Variants in WBP2NL observed in about 807,000 individuals in gnomAD.
WBP2NL encodes the protein WBP2 N-terminal like.
Under a neutral mutation model 23.3 loss-of-function variants are expected in WBP2NL, and 27 were observed. That is an observed-to-expected ratio of 1.16 (90% confidence interval 0.85 to 1.60). The LOEUF (loss-of-function observed/expected upper bound fraction) is 1.60. WBP2NL is among the 40% of genes most tolerant of loss of function. The probability of loss-of-function intolerance (pLI) is 0.00; values close to 1 mark genes in which losing one functional copy is unlikely to be tolerated. For synonymous variants in WBP2NL, 151 were observed against 145.9 expected (o/e 1.03, Z -0.25); for missense variants, 370 against 389.5 (o/e 0.95, Z 0.42).
intron 4 of WBP2NL, among the ~76,000 whole-genome samples, 169 bp from the exon 5 acceptor site, chr22:42,022,080 G>T (rs1473754273): frequency 6.6e-6 from 1 of 152,130 alleles, no homozygotes; most frequent in Non-Finnish European, 1.5e-5. Context: ...GATTACAGGT[G>T]TGAGCCACTT....
chr22:42,043,155 A>C (rs1298307331), intron 8 of WBP2NL, among the ~76,000 whole-genome samples: 1 of 151,846 alleles, frequency 6.6e-6, no homozygotes, highest in Non-Finnish European at 1.5e-5. Context: ...CATTGGTTCT[A>C]GTGGTCCTCC....
At chr22:42,025,513 G>A (rs1268574872) in intron 5 of WBP2NL, among the ~76,000 whole-genome samples, 3 of 152,212 alleles carry the variant, frequency 2.0e-5, no homozygotes, top group Non-Finnish European at 2.9e-5. Context: ...TGAAGTGAGG[G>A]AAGAACCTCA....
intron 8 of WBP2NL, among the ~76,000 whole-genome samples, chr22:42,057,025 A>G (rs1352350816): frequency 1.3e-5 from 2 of 152,178 alleles, no homozygotes; most frequent in East Asian, 3.8e-4. Context: ...ATGTCTAGGT[A>G]TGGAGCTCTT....
chr22:42,042,389 C>A (rs965533144), intron 8 of WBP2NL, among the ~76,000 whole-genome samples: 1 of 152,110 alleles, frequency 6.6e-6, no homozygotes, highest in African/African-American at 2.4e-5. Context: ...TAGATAATTT[C>A]AAATAACCTG....
downstream of WBP2NL, among the ~76,000 whole-genome samples, chr22:42,028,804 A>G (rs564322741): frequency 1.3e-5 from 2 of 152,372 alleles, no homozygotes; most frequent in East Asian, 1.9e-4. Context: ...GATTATAAAC[A>G]TGCTTCACCT....
chr22:42,037,572 T>C (rs1216170476), downstream of WBP2NL, among the ~76,000 whole-genome samples: 2 of 152,176 alleles, frequency 1.3e-5, no homozygotes, highest in African/African-American at 4.8e-5. Flanking sequence ...ATTCTTCCAA[T>C]CTGTGAACAT....
chr22:42,015,185 G>A (rs1386836788), intron 1 of WBP2NL, among the ~76,000 whole-genome samples: 2 of 152,136 alleles, frequency 1.3e-5, no homozygotes, highest in Non-Finnish European at 2.9e-5. Flanking sequence ...ATTTTGTAAA[G>A]TCTGTATTCT....
chr22:42,038,432 T>C (rs1925272199), intron 8 of WBP2NL, among the ~76,000 whole-genome samples: 1 of 152,220 alleles, frequency 6.6e-6, no homozygotes, highest in East Asian at 1.9e-4. Context: ...TGCCTGGTAA[T>C]TTTCTTATGT....
chr22:42,052,467 A>G (rs1925871171), intron 8 of WBP2NL, among the ~76,000 whole-genome samples: 1 of 151,958 alleles, frequency 6.6e-6, no homozygotes, highest in Admixed American at 6.6e-5. Flanking sequence ...TTTAGTAGAG[A>G]CAGGGTTTCA....
chr22:42,002,984 T>TTG (rs1247426972), intron 1 of WBP2NL: 1 of 151,330 alleles, frequency 6.6e-6, no homozygotes, highest in African/African-American at 2.4e-5. Context: ...AGAATAAAAT[T>TTG]TAAGAAAAGA....
intron 1 of WBP2NL, among the ~76,000 whole-genome samples, chr22:42,008,859 A>G (rs1922544759): frequency 6.6e-6 from 1 of 152,060 alleles, no homozygotes; most frequent in Non-Finnish European, 1.5e-5. Flanking sequence ...GCTGACTGCA[A>G]GCTCCGCCTC....
chr22:42,046,923 C>A (rs1283441377), intron 8 of WBP2NL, among the ~76,000 whole-genome samples: 1 of 152,148 alleles, frequency 6.6e-6, no homozygotes, highest in Admixed American at 6.5e-5. Flanking sequence ...ACAACATATA[C>A]ACTCCTAAAT....
At chr22:42,024,426 C>T (rs961066228) in intron 5 of WBP2NL, among the ~76,000 whole-genome samples, 1 of 152,080 alleles carries the variant, frequency 6.6e-6, no homozygotes, top group Admixed American at 6.5e-5. Flanking sequence ...TTTTCCAGTG[C>T]TGCACTATTT....
At chr22:42,008,085 C>CTT (rs1922421803) in intron 1 of WBP2NL, among the ~76,000 whole-genome samples, 2 of 100,642 alleles carry the variant, frequency 2.0e-5, no homozygotes, top group East Asian at 4.3e-4. Flanking sequence ...CTTCTCTTCT[C>CTT]CTCTTCCTTT....
At chr22:42,003,255 T>C (rs1202205331) in intron 1 of WBP2NL, 2 of 152,486 alleles carry the variant, frequency 1.3e-5, no homozygotes, top group African/African-American at 2.4e-5. Context: ...GTTACTCTTA[T>C]ACTGTAAAAC....
At chr22:42,033,760 C>T (rs772154812), downstream of WBP2NL, among the ~76,000 whole-genome samples, 2 of 152,198 alleles carry the variant, frequency 1.3e-5, no homozygotes, top group African/African-American at 2.4e-5. Flanking sequence ...TGGGTAGCTC[C>T]TCTCTGCAGC....
intron 1 of WBP2NL, among the ~76,000 whole-genome samples, chr22:42,017,945 TC>T (rs1569449039): frequency 6.6e-6 from 1 of 151,938 alleles, no homozygotes; most frequent in Non-Finnish European, 1.5e-5. Flanking sequence ...GGTCAGGAGT[TC>T]CAGACCAGCC....
Position 42,027,507 on chromosome 22 carries a change from T to C in WBP2NL, c.*326T>C. On this transcript the variant is annotated 3_prime_UTR_variant, in exon 6 of 6. Transcript: ENST00000328823. ...AAGGTTCCTGTCTTCCCATCCTCATTCAAGAAACATTTATTATGCTCCGTT... is the reference window on the plus strand; with the variant it reads ...AAGGTTCCTGTCTTCCCATCCTCATCCAAGAAACATTTATTATGCTCCGTT... 1 of 326,002 alleles carries C rather than the reference T, an allele frequency of 3.1e-6. No individual in the cohort carries two copies. The highest frequency in any genetic ancestry group is 4.4e-5 in the Admixed American group (1 of 22,966). 20.2% of individuals were successfully genotyped at this position (326,002 alleles called of 1,614,324 possible). A position where few individuals can be genotyped will look rare whatever the true frequency, so the allele number is the denominator to read the frequency against.
intron 1 of WBP2NL, among the ~76,000 whole-genome samples, chr22:42,005,512 C>CT (rs1303825768): frequency 6.6e-6 from 1 of 152,102 alleles, no homozygotes; most frequent in African/African-American, 2.4e-5. Context: ...GAGTGAGACT[C>CT]TGTCTCAAAA....
Sources: gnomAD v4.1 joint callset for allele counts (sites outside exome capture counted in the v4.1 genomes callset) on GRCh38, gnomAD v4.1.1 for gene constraint, MANE v1.5 for transcripts, NCBI Gene and HGNC (gene_info 2026-07-23, HGNC 2026-07-21) for gene names.